GLIS1: variants seen among roughly 807,000 people sequenced by gnomAD.
GLIS1 encodes zinc finger protein GLIS1.
A neutral mutation model predicts 63.8 loss-of-function variants in GLIS1; 24 were observed. The ratio of observed to expected loss-of-function variants is 0.38; its 90% CI spans 0.27 to 0.53. GLIS1 has a LOEUF of 0.53. Ranked by LOEUF, GLIS1 falls within the 20% of genes least tolerant of loss-of-function variation. GLIS1 has a pLI of 0.85. For missense variants in GLIS1, 1,036 were observed against 1,074.1 expected (o/e 0.96, Z 0.50); for synonymous variants, 450 against 482.5 (o/e 0.93, Z 0.88).
intron 2 of GLIS1, among the ~76,000 whole-genome samples, chr1:53,654,789 G>A (rs926591229): frequency 2.6e-5 from 4 of 152,142 alleles, no homozygotes; most frequent in Non-Finnish European, 5.9e-5. Flanking sequence ...CGCTACAGAT[G>A]TGAACGCCCA....
intron 2 of GLIS1, among the ~76,000 whole-genome samples, chr1:53,720,340 C>A (rs1407378517): frequency 6.6e-6 from 1 of 152,108 alleles, no homozygotes; most frequent in Non-Finnish European, 1.5e-5. Context: ...AGAATGAAAT[C>A]CTGTCATCTG....
At chr1:53,509,314 G>T (rs10749691) in intron 9 of GLIS1, 27 bp from the exon 10 acceptor site, 1,181,119 of 1,532,374 alleles carry the variant, frequency 0.77, 464,202 homozygotes, top group Middle Eastern at 0.81. Context: ...CAGGGGCCGC[G>T]TTCACAAAGG....
At chr1:53,702,441 G>GC (rs1482623524) in intron 2 of GLIS1, among the ~76,000 whole-genome samples, 1 of 152,244 alleles carries the variant, frequency 6.6e-6, no homozygotes, top group Non-Finnish European at 1.5e-5. Context: ...CCCGGCATCT[G>GC]CCCCCGGGTT....
rs576945994 is a variant in GLIS1, at chr1:53,659,313, C to T, written c.260-59035G>A. On this transcript the variant is annotated intron_variant, in intron 2 of 10. Coordinates refer to ENST00000628545, the MANE Select transcript of GLIS1 (RefSeq NM_001367484.1). ...GAAGCTCACGGGCACTCAGGTGGCTCGGCTCTGCAGGAGGAGAGCTTTCCA... is the reference window on the plus strand; with the variant it reads ...GAAGCTCACGGGCACTCAGGTGGCTTGGCTCTGCAGGAGGAGAGCTTTCCA... Among the ~76,000 whole-genome samples, 4 of 152,288 alleles carry T rather than the reference C, an allele frequency of 2.6e-5. No individual in the cohort carries two copies. The South Asian group carries it at 8.3e-4, about 32-fold the overall frequency.
chr1:53,557,634 C>CA lies in GLIS1; in HGVS notation c.1321-27683dup, dbSNP rs1644847328. On this transcript the variant is annotated intron_variant, in intron 4 of 10. Coordinates refer to ENST00000628545, the MANE Select transcript of GLIS1 (RefSeq NM_001367484.1). Reference sequence around the variant, plus strand: ...TGACCTCATCAGGTAGGCCTTGAAACAGACGCACAGGGCAGCTCACATGGT... The same window carrying CA: ...TGACCTCATCAGGTAGGCCTTGAAACAAGACGCACAGGGCAGCTCACATGGT... Among the ~76,000 whole-genome samples the CA allele has an allele frequency of 2.0e-5, 3 of 152,302 alleles. No individual in the cohort carries two copies. The South Asian group carries it at 6.2e-4, about 32-fold the overall frequency.
At chr1:53,588,175 G>A (rs1026627404) in intron 4 of GLIS1, among the ~76,000 whole-genome samples, 1 of 152,116 alleles carries the variant, frequency 6.6e-6, no homozygotes, top group African/African-American at 2.4e-5. Context: ...ATAAAGCCAG[G>A]CTGCAAAACC....
At position 53,594,823 on chromosome 1, in the gene GLIS1, G is replaced by A. The variant is rs774622629; in HGVS notation, c.605C>T (p.Pro202Leu). The A allele has an allele frequency of 1.3e-5, 21 of 1,605,214 alleles. 1 individual carries two copies. The highest frequency in any genetic ancestry group is 1.9e-4 in the Middle Eastern group (1 of 5,402). The change falls in exon 4 of 11, where the codon CCG becomes CTG. Residue 202 changes from proline (P) to leucine (L), a missense_variant. By Grantham distance (98) the Pro-to-Leu change is moderately conservative. Transcript: ENST00000628545. ...CGCAGGGGTGGCGAGGCTTCGGCCC[G>A]GGAGGTCCAGGTCTGGGTGCAGGCC... is the stretch of plus-strand genomic sequence containing the variant. Reference protein sequence around the residue: ...ATGLHPDLDLPGRSLATPAPS... With the variant: ...ATGLHPDLDLLGRSLATPAPS...
At chr1:53,710,927 C>T (rs374653339) in intron 2 of GLIS1, among the ~76,000 whole-genome samples, 204 of 151,942 alleles carry the variant, frequency 1.3e-3, no homozygotes, top group African/African-American at 4.8e-3. Context: ...CGATGGTGGC[C>T]GAGCTGGAGG....
At chr1:53,555,506 G>A (rs1644810187) in intron 4 of GLIS1, among the ~76,000 whole-genome samples, 1 of 152,114 alleles carries the variant, frequency 6.6e-6, no homozygotes, top group Non-Finnish European at 1.5e-5. Context: ...CTCCAGCCTG[G>A]GAGATAGAGT....
At chr1:53,572,659 T>C (rs1350972649) in intron 4 of GLIS1, among the ~76,000 whole-genome samples, 1 of 152,228 alleles carries the variant, frequency 6.6e-6, no homozygotes, top group Non-Finnish European at 1.5e-5. Flanking sequence ...GCCTTGGTGA[T>C]TAATAACACA....
At chr1:53,602,098 G>A (rs1197338110) in intron 2 of GLIS1, among the ~76,000 whole-genome samples, 1 of 152,174 alleles carries the variant, frequency 6.6e-6, no homozygotes, top group Non-Finnish European at 1.5e-5. Context: ...CCCCAGTCCT[G>A]GCCCGTCCTG....
At chr1:53,725,132 A>T (rs536612235) in intron 2 of GLIS1, among the ~76,000 whole-genome samples, 1 of 152,300 alleles carries the variant, frequency 6.6e-6, no homozygotes, top group East Asian at 1.9e-4. Flanking sequence ...TTGCTGAAAG[A>T]GGAAAGTTGT....
chr1:53,638,309 G>A (rs949392262), intron 2 of GLIS1, among the ~76,000 whole-genome samples: 1 of 152,192 alleles, frequency 6.6e-6, no homozygotes, highest in Non-Finnish European at 1.5e-5. Flanking sequence ...CAAAGACAAC[G>A]TGGTCCGTTC....
intron 4 of GLIS1, among the ~76,000 whole-genome samples, chr1:53,535,585 C>T (rs1168716503): frequency 6.6e-6 from 1 of 151,950 alleles, no homozygotes; most frequent in Non-Finnish European, 1.5e-5. Flanking sequence ...CATGTTCCCT[C>T]CTCTCTGGGC....
chr1:53,688,315 G>T (rs1646363957), intron 2 of GLIS1, among the ~76,000 whole-genome samples: 1 of 152,228 alleles, frequency 6.6e-6, no homozygotes, highest in Non-Finnish European at 1.5e-5. Context: ...TACAAAATGT[G>T]CTCTGAGCAC....
At chr1:53,522,625 A>G (rs561168067) in intron 6 of GLIS1, among the ~76,000 whole-genome samples, 42 of 152,280 alleles carry the variant, frequency 2.8e-4, no homozygotes, top group African/African-American at 9.4e-4. Context: ...TAGTTTCTCC[A>G]TCTCTAAAAT....
chr1:53,518,032 A>G (rs1644369626), intron 7 of GLIS1, among the ~76,000 whole-genome samples: 1 of 152,202 alleles, frequency 6.6e-6, no homozygotes, highest in Non-Finnish European at 1.5e-5. Context: ...GTCATCAATC[A>G]TCAGCCGTGA....
At chr1:53,568,819 T>G (rs1345704607) in intron 4 of GLIS1, among the ~76,000 whole-genome samples, 1 of 152,222 alleles carries the variant, frequency 6.6e-6, no homozygotes, top group African/African-American at 2.4e-5. Flanking sequence ...ACGCTTCCTG[T>G]TAAGCCTGTG....
At chr1:53,543,903 A>G (rs1280156938) in intron 4 of GLIS1, among the ~76,000 whole-genome samples, 1 of 152,076 alleles carries the variant, frequency 6.6e-6, no homozygotes, top group East Asian at 1.9e-4. Context: ...CACTTGCAAG[A>G]GAGGACCGTG....
Sources: gnomAD v4.1 joint callset for allele counts (sites outside exome capture counted in the v4.1 genomes callset) on GRCh38, gnomAD v4.1.1 for gene constraint, MANE v1.5 for transcripts, NCBI Gene and HGNC (gene_info 2026-07-23, HGNC 2026-07-21) for gene names.